CASP8: variants seen among roughly 807,000 people sequenced by gnomAD.
The protein encoded by CASP8 is caspase-8.
In CASP8, 24 loss-of-function variants were observed where a neutral mutation model predicts 46.3. The ratio of observed to expected loss-of-function variants is 0.52; its 90% CI spans 0.38 to 0.73. The LOEUF is 0.73. Ranked by LOEUF, CASP8 falls within the 30% of genes least tolerant of loss-of-function variation. The pLI, the probability that CASP8 is intolerant of heterozygous loss-of-function variation, is 0.00. For missense variants in CASP8, 460 were observed against 559.0 expected, an observed-to-expected ratio of 0.82 and a Z score of 1.79; for synonymous variants, 188 against 200.4, an observed-to-expected ratio of 0.94 and a Z score of 0.52.
chr2:201,262,996 T>C (rs1947532743), intron 1 of CASP8, among the ~76,000 whole-genome samples: 1 of 152,206 alleles, frequency 6.6e-6, no homozygotes, highest in African/African-American at 2.4e-5. Flanking sequence ...CTTCTAAATG[T>C]CAGTTATGAT....
At chr2:201,253,690 C>G (rs1946887698) in intron 2 of CASP8, among the ~76,000 whole-genome samples, 1 of 152,096 alleles carries the variant, frequency 6.6e-6, no homozygotes, top group African/African-American at 2.4e-5. Flanking sequence ...TGGTTCTTGA[C>G]AATTATTCTT....
chr2:201,283,774 A>C (rs1382091929), intron 7 of CASP8, among the ~76,000 whole-genome samples: 13 of 37,220 alleles, frequency 3.5e-4, no homozygotes, highest in Admixed American at 5.6e-4. Context: ...CGGGCAGAGG[A>C]GCCCCTCACC....
At chr2:201,263,207 G>T (rs891704797) in intron 1 of CASP8, among the ~76,000 whole-genome samples, 1 of 152,050 alleles carries the variant, frequency 6.6e-6, no homozygotes, top group African/African-American at 2.4e-5. Context: ...GCCTCAAAAA[G>T]GTTTATTCAT....
chr2:201,278,928 A>C (rs1294164137), intron 7 of CASP8, among the ~76,000 whole-genome samples: 1 of 152,224 alleles, frequency 6.6e-6, no homozygotes, highest in Admixed American at 6.5e-5. Flanking sequence ...TCCAACAAGG[A>C]TCAAGAGAAC....
chr2:201,245,521 G>A (rs1057225105), intron 2 of CASP8, among the ~76,000 whole-genome samples: 2 of 152,240 alleles, frequency 1.3e-5, no homozygotes, highest in Admixed American at 6.5e-5. Context: ...GATTACAGGC[G>A]TGAGCCACTG....
At chr2:201,274,097 T>C (rs1461566728) in intron 5 of CASP8, among the ~76,000 whole-genome samples, 2 of 152,206 alleles carry the variant, frequency 1.3e-5, no homozygotes, top group African/African-American at 4.8e-5. Flanking sequence ...TTACGTTGGC[T>C]CTTTGTGGTG....
intron 7 of CASP8, 121 bp from the exon 8 acceptor site, chr2:201,284,695 G>GAGGAGA (rs1559373828): frequency 3.0e-6 from 1 of 333,808 alleles, no homozygotes; most frequent in South Asian, 3.3e-5. Flanking sequence ...AGAGGGAGAC[G>GAGGAGA]GGGAGAGGGA....
At chr2:201,233,493 A>C (rs2126076189) in exon 1 of CASP8, 1 of 152,376 alleles carries the variant, frequency 6.6e-6, no homozygotes, top group Middle Eastern at 3.4e-3. Context: ...GCTGGTCTGA[A>C]GGCTGGTTGT....
chr2:201,267,312 C>G (rs917341081), intron 2 of CASP8, among the ~76,000 whole-genome samples: 1 of 152,116 alleles, frequency 6.6e-6, no homozygotes, highest in Admixed American at 6.5e-5. Context: ...TGAAATCCCC[C>G]TCCCACCTGC....
chr2:201,258,584 T>C (rs549546304), upstream of CASP8, among the ~76,000 whole-genome samples: 86 of 152,330 alleles, frequency 5.6e-4, 3 homozygotes, highest in South Asian at 0.017. Flanking sequence ...ACTTTTTCAC[T>C]CTGAGCAGTC....
intron 7 of CASP8, among the ~76,000 whole-genome samples, chr2:201,279,080 A>G (rs941514733): frequency 6.6e-6 from 1 of 152,170 alleles, no homozygotes; most frequent in African/African-American, 2.4e-5. Context: ...AAGCCTATTT[A>G]CCCCCACAGA....
In CASP8 at chr2:201,266,441, T is replaced by A; in HGVS notation, c.-26-20T>A. On this transcript the variant is annotated intron_variant, in intron 1 of 8. Transcript: ENST00000673742. The surrounding 1 kb of genome is among the most constrained non-coding windows in gnomAD (Gnocchi z 5.7). ...GGTACTTTTCTTCCTTATCTGAACA[T>A]ACCATTTATTTTGACTTAGATTATA... 1 of 1,579,682 alleles carries A rather than the reference T, an allele frequency of 6.3e-7. No individual in the cohort carries two copies. The highest frequency in any genetic ancestry group is 8.7e-7 in the Non-Finnish European group (1 of 1,148,852).
At chr2:201,260,437 G>A (rs904351985), upstream of CASP8, 9 of 612,670 alleles carry the variant, frequency 1.5e-5, no homozygotes, top group Non-Finnish European at 1.8e-5. Context: ...TGCTCACTCA[G>A]GGGCAAGTGG....
intron 2 of CASP8, among the ~76,000 whole-genome samples, chr2:201,234,533 T>G (rs12620010): frequency 0.4 from 61,194 of 151,822 alleles, 12,995 homozygotes; most frequent in Non-Finnish European, 0.49. Context: ...CACTGATATC[T>G]CCGCCTCCCG....
At chr2:201,241,006 C>T (rs1361973393) in intron 2 of CASP8, 1 of 152,148 alleles carries the variant, frequency 6.6e-6, no homozygotes, top group South Asian at 2.1e-4. Flanking sequence ...CATACCCAAA[C>T]TTACAGGATA....
At chr2:201,279,947 C>T (rs1001599533) in intron 7 of CASP8, among the ~76,000 whole-genome samples, 2 of 151,636 alleles carry the variant, frequency 1.3e-5, no homozygotes, top group Non-Finnish European at 2.9e-5. Context: ...AGCAAGACTC[C>T]ATCTCAAATA....
At chr2:201,258,196 C>A (rs770297076), upstream of CASP8, 74 of 1,604,770 alleles carry the variant, frequency 4.6e-5, no homozygotes, top group Non-Finnish European at 5.7e-5. Flanking sequence ...TCAAGCCCTG[C>A]TGAATTTGCT....
rs572203201 is a variant in CASP8, at chr2:201,286,345, T to C, written c.1305-114T>C. The C allele has an allele frequency of 5.3e-6, 7 of 1,330,888 alleles. No individual in the cohort carries two copies. The South Asian group carries it at 8.4e-5, about 16-fold the overall frequency. The allele number at this position is 1,330,888 out of a possible 1,614,324, so 82.4% of individuals were successfully genotyped here. ...TGGTTTCGCACCTTATTGTTTCAAA[T>C]GACTGATATTTTGAGAGAAAGAACT... On this transcript the variant is annotated intron_variant, in intron 8 of 8. Coordinates refer to ENST00000673742, the MANE Select transcript of CASP8 (RefSeq NM_001372051.1).
At chr2:201,265,982 T>G (rs1240476340) in intron 1 of CASP8, among the ~76,000 whole-genome samples, 2 of 11,296 alleles carry the variant, frequency 1.8e-4, no homozygotes, top group Non-Finnish European at 4.4e-4. Context: ...GTTTTTTGTG[T>G]TTTTTTTTTT....
Sources: gnomAD v4.1 joint callset for allele counts (sites outside exome capture counted in the v4.1 genomes callset) on GRCh38, gnomAD v4.1.1 for gene constraint, Gnocchi (gnomAD v3.1) non-coding constraint, MANE v1.5 for transcripts, NCBI Gene and HGNC (gene_info 2026-07-23, HGNC 2026-07-21) for gene names.